The following GOT2 variants were observed in gnomAD, a reference collection of about 807,000 sequenced individuals.
GOT2 encodes the protein aspartate aminotransferase, mitochondrial.
Under a neutral mutation model 50.0 loss-of-function variants are expected in GOT2, and 17 were observed. The ratio of observed to expected loss-of-function variants is 0.34; its 90% CI spans 0.23 to 0.51. The LOEUF is 0.51. Among genes scored for constraint, GOT2 ranks in the 20% least tolerant of loss-of-function variants. The pLI is 0.97. For missense variants in GOT2, 430 were observed against 559.6 expected (o/e 0.77, Z 2.34); for synonymous variants, 172 against 204.9 (o/e 0.84, Z 1.37).
intron 7 of GOT2, 79 bp downstream of exon 7, chr16:58,716,584 A>C (rs2044695446): frequency 6.6e-6 from 8 of 1,204,340 alleles, no homozygotes; most frequent in South Asian, 1.4e-5. Flanking sequence ...ACACACACAC[A>C]CACACCCACA....
intron 1 of GOT2, among the ~76,000 whole-genome samples, chr16:58,724,982 T>C (rs995642949): frequency 2.0e-5 from 3 of 152,246 alleles, no homozygotes; most frequent in African/African-American, 7.2e-5. Context: ...TTGGGAATGC[T>C]GGTCAGGTAT....
intron 1 of GOT2, among the ~76,000 whole-genome samples, chr16:58,727,940 C>A (rs549061107): frequency 1.3e-5 from 2 of 151,546 alleles, no homozygotes; most frequent in Admixed American, 1.3e-4. Context: ...GTTCACCATG[C>A]TGATAAACTC....
At chr16:58,727,269 C>G (rs2044794711) in intron 1 of GOT2, among the ~76,000 whole-genome samples, 1 of 152,190 alleles carries the variant, frequency 6.6e-6, no homozygotes, top group African/African-American at 2.4e-5. Flanking sequence ...GCTGGGACTA[C>G]AGGCGCACAC....
intron 1 of GOT2, among the ~76,000 whole-genome samples, chr16:58,725,112 CTTT>C (rs34912264): frequency 6.9e-6 from 1 of 145,464 alleles, no homozygotes. Context: ...TTCTTTCTTT[CTTT>C]TTTTTTTTTG....
At position 58,716,583 on chromosome 16, in the gene GOT2, CA is replaced by C. The variant is rs1469163337; in HGVS notation, c.853+79del. The C allele has an allele frequency of 2.2e-4, 267 of 1,226,772 alleles. 1 individual carries two copies. Among genetic ancestry groups the C allele is most frequent in the East Asian group, 3.5e-4 (15 of 42,538 alleles). 76.0% of individuals were successfully genotyped at this position (1,226,772 alleles called of 1,614,324 possible). A position where few individuals can be genotyped will look rare whatever the true frequency, so the allele number is the denominator to read the frequency against. ...GGACACACACACACACACACACACA[CA>C]CACACCCACAAGCTCTATGCCCTCG... On this transcript the variant is annotated intron_variant, in intron 7 of 9. Coordinates refer to ENST00000245206, the MANE Select transcript of GOT2 (RefSeq NM_002080.4).
chr16:58,730,919 T>A (rs1260200973), intron 1 of GOT2, among the ~76,000 whole-genome samples: 1 of 152,178 alleles, frequency 6.6e-6, no homozygotes. Flanking sequence ...CATTGAGCAA[T>A]ATTGACTGGT....
At chr16:58,712,549 G>C (rs890898555) in intron 8 of GOT2, among the ~76,000 whole-genome samples, 24 of 133,516 alleles carry the variant, frequency 1.8e-4, no homozygotes, top group Non-Finnish European at 2.7e-4. Flanking sequence ...ACAACAACAA[G>C]AACAAGAAAG....
In GOT2 at chr16:58,712,802, T is replaced by A. The variant is rs111370345; in HGVS notation, c.1019+3212A>T. Among the ~76,000 whole-genome samples the A allele has an allele frequency of 7.9e-5, 12 of 152,322 alleles. 2 individuals are homozygous for A. The highest frequency in any genetic ancestry group is 2.6e-4 in the African/African-American group (11 of 41,576). ...TCCTGCACATACATATATAACAGTATGTCACAACTACAGATAACAATGGGT... is the reference window on the plus strand; with the variant it reads ...TCCTGCACATACATATATAACAGTAAGTCACAACTACAGATAACAATGGGT... On this transcript the variant is annotated intron_variant, in intron 8 of 9. Transcript: ENST00000245206.
rs534807819 is a variant in GOT2, at chr16:58,730,782, T to C, written c.89+3358A>G. On this transcript the variant is annotated intron_variant, in intron 1 of 9. Coordinates refer to ENST00000245206, the MANE Select transcript of GOT2 (RefSeq NM_002080.4). ...GACTACACACATATTGTAAGAACTC[T>C]GATGTTTTTAAAGGAATCGAGTAGA... Among the ~76,000 whole-genome samples the C allele has an allele frequency of 2.8e-4, 42 of 152,324 alleles. No individual in the cohort carries two copies. The South Asian group carries it at 8.5e-3, about 31-fold the overall frequency.
At chr16:58,719,308 C>CTGGGTCTGGGCCTGTAT in intron 3 of GOT2, 53 bp from the exon 4 acceptor site, 4 of 1,273,258 alleles carry the variant, frequency 3.1e-6, no homozygotes, top group Non-Finnish European at 4.6e-6. Context: ...TATACAGGCC[C>CTGGGTCTGGGCCTGTAT]AGACCCAGGG....
rs777550728 is a variant in GOT2 at position 58,716,825 on chromosome 16, C to T, written c.703-12G>A. 12 of 1,613,214 alleles carry T rather than the reference C, an allele frequency of 7.4e-6. No individual in the cohort carries two copies. The highest frequency in any genetic ancestry group is 5.5e-5 in the South Asian group (5 of 91,026). ...AAGAGATTCCTTTTCTGAGAAGGAA[C>T]GAAAGATCGAAGCTTTAGCAGTCTT... On this transcript the variant is annotated splice_polypyrimidine_tract_variant and intron_variant, in intron 6 of 9. Coordinates refer to ENST00000245206, the MANE Select transcript of GOT2 (RefSeq NM_002080.4).
At chr16:58,730,095 G>C (rs1027243395) in intron 1 of GOT2, among the ~76,000 whole-genome samples, 4 of 152,056 alleles carry the variant, frequency 2.6e-5, no homozygotes, top group African/African-American at 7.2e-5. Context: ...AGAGAGGAAG[G>C]GGTTGCCTAG....
chr16:58,721,558 A>G (rs2044740193), intron 3 of GOT2: 2 of 152,286 alleles, frequency 1.3e-5, no homozygotes, highest in African/African-American at 4.8e-5. Flanking sequence ...TGTAAAATGA[A>G]CATAAGCAGG....
At chr16:58,708,527 C>A (rs977253991) in intron 9 of GOT2, among the ~76,000 whole-genome samples, 8 of 151,792 alleles carry the variant, frequency 5.3e-5, no homozygotes, top group Non-Finnish European at 1.2e-4. Context: ...ATAGCTGGAA[C>A]CTGGAACCTG....
chr16:58,718,635 TC>T lies in GOT2; in HGVS notation c.488del (p.Gly163GlufsTer67). Reference protein sequence around the residue: ...RDVFLPKPTWGNHTPIFRDAG... With the variant: ...RDVFLPKPTWXNHTPIFRDAG... ...CATCCCTGAAGATGGGTGTGTGGTT[TC>T]CCCAGGTTGGTTTGGGCAGAAAGAC... On this transcript the variant is annotated frameshift_variant, in exon 5 of 10. Coordinates refer to ENST00000245206, the MANE Select transcript of GOT2 (RefSeq NM_002080.4). LOFTEE classifies it high-confidence loss of function. 6.2e-7 allele frequency: 1 copy of T among 1,607,018 alleles called. No individual in the cohort carries two copies. The highest frequency in any genetic ancestry group is 8.5e-7 in the Non-Finnish European group (1 of 1,176,288).
Position 58,718,646 on chromosome 16 carries a change from G to A in GOT2, c.478C>T (p.Pro160Ser), listed in dbSNP as rs145317213. The A allele has an allele frequency of 8.7e-6, 14 of 1,601,156 alleles. No homozygotes were observed. The highest frequency in any genetic ancestry group is 1.2e-5 in the Non-Finnish European group (14 of 1,173,950). The change falls in exon 5 of 10, where the codon CCA (proline) becomes TCA (serine). Residue 160 changes from proline (P) to serine (S), a missense_variant. Coordinates refer to ENST00000245206, the MANE Select transcript of GOT2 (RefSeq NM_002080.4). ...ATGGGTGTGTGGTTTCCCCAGGTTG[G>A]TTTGGGCAGAAAGACATCTCGGCTG... Reference protein sequence around the residue: ...KFSRDVFLPKPTWGNHTPIFR... With the variant: ...KFSRDVFLPKSTWGNHTPIFR...
intron 3 of GOT2, 177 bp downstream of exon 3, chr16:58,721,973 T>G: frequency 9.7e-6 from 5 of 515,556 alleles, no homozygotes; most frequent in Non-Finnish European, 1.7e-5. Flanking sequence ...AGAGATGGGG[T>G]TTCTCCATGT....
chr16:58,727,968 C>T (rs1279073013), intron 1 of GOT2, among the ~76,000 whole-genome samples: 2 of 100,120 alleles, frequency 2.0e-5, no homozygotes, highest in East Asian at 4.1e-4. Flanking sequence ...ACCTCATGAA[C>T]ATTTCTTTCC....
intron 1 of GOT2, among the ~76,000 whole-genome samples, chr16:58,724,285 C>CT (rs56178822): frequency 0.024 from 3,354 of 139,342 alleles, 114 homozygotes; most frequent in African/African-American, 0.077. Flanking sequence ...TTCTGACAAA[C>CT]TTTTTTTTTT....
Sources: allele counts gnomAD v4.1 joint callset (sites outside exome capture counted in the v4.1 genomes callset), GRCh38; gene constraint gnomAD v4.1.1; transcripts MANE v1.5; gene names NCBI Gene and HGNC (gene_info 2026-07-23, HGNC 2026-07-21).